The following ASS1 variants were observed in gnomAD, a reference collection of about 807,000 sequenced individuals.
ASS1 encodes the protein argininosuccinate synthase.
In ASS1, 58 loss-of-function variants were observed where a neutral mutation model predicts 60.5. That is an observed-to-expected ratio of 0.96 (90% CI 0.78 to 1.19). The LOEUF (loss-of-function observed/expected upper bound fraction) is 1.19, where lower values mean the gene tolerates loss of function less well. ASS1 is among the 50% of genes most tolerant of loss of function. The pLI is 0.00. For synonymous variants in ASS1, 200 were observed against 206.9 expected (o/e 0.97, Z 0.29); for missense variants, 454 against 547.3 (o/e 0.83, Z 1.70).
intron 11 of ASS1, 134 bp downstream of exon 11, chr9:130,480,583 C>G: frequency 2.2e-6 from 2 of 901,126 alleles, no homozygotes; most frequent in Non-Finnish European, 3.5e-6. Flanking sequence ...TTCACCACAC[C>G]CCGTGAGACC....
chr9:130,472,330 C>T (rs1021554889), intron 8 of ASS1, among the ~76,000 whole-genome samples: 21 of 152,222 alleles, frequency 1.4e-4, no homozygotes, highest in African/African-American at 5.1e-4. Context: ...GCCAGAGCCC[C>T]GCCCAGGATC....
chr9:130,450,944 G>A (rs796318550), intron 1 of ASS1, among the ~76,000 whole-genome samples: 5 of 152,342 alleles, frequency 3.3e-5, no homozygotes, highest in African/African-American at 1.2e-4. Flanking sequence ...GGGAAATGCG[G>A]GATGCTGGGG....
intron 5 of ASS1, among the ~76,000 whole-genome samples, chr9:130,465,601 T>C (rs1845719808): frequency 6.6e-6 from 1 of 152,226 alleles, no homozygotes; most frequent in Admixed American, 6.5e-5. Context: ...ACTGAGCTCT[T>C]TTGAGGCCGC....
chr9:130,487,453 G>T (rs1342659944), intron 11 of ASS1, among the ~76,000 whole-genome samples: 1 of 149,446 alleles, frequency 6.7e-6, no homozygotes, highest in African/African-American at 2.5e-5. Context: ...AACATAAAAT[G>T]AACCATTTTA....
At chr9:130,462,156 C>G (rs1360906192) in intron 4 of ASS1, among the ~76,000 whole-genome samples, 1 of 152,178 alleles carries the variant, frequency 6.6e-6, no homozygotes, top group East Asian at 1.9e-4. Context: ...CTCTCTCCCC[C>G]TAGTTTTGGA....
chr9:130,450,171 T>C (rs964795510), intron 1 of ASS1: 10 of 711,028 alleles, frequency 1.4e-5, no homozygotes, highest in Non-Finnish European at 1.7e-5. Context: ...CTCTGCTCAG[T>C]GAGGCTGCTC....
rs756859126 is a variant in ASS1, at chr9:130,494,965, C to T, written c.1069C>T (p.Gln357Ter). The T allele has an allele frequency of 3.1e-6, 5 of 1,613,504 alleles. No individual in the cohort carries two copies. The African/African-American group carries it at 6.7e-5, about 22-fold the overall frequency. The change falls in exon 13 of 15, where the codon CAG (glutamine) becomes TAG (stop). Residue 357 changes from glutamine to a stop codon, truncating the protein, a stop_gained. Transcript: ENST00000352480. LOFTEE classifies it high-confidence loss of function. This position sits in a 1 kb window ranked among gnomAD's most constrained non-coding sequence, Gnocchi z 4.3. ...GKVQVSVLKG[Q>*]VYILGRESPL... ...AGTGCAGGTGTCCGTCCTCAAGGGC[C>T]AGGTGTACATCCTCGGCCGGGAGTC...
At position 130,491,437 on chromosome 9, in the gene ASS1, C is replaced by T. The variant is rs1158593339; in HGVS notation, c.970+1973C>T. ...AGCTGGGCACCTGATGGGGTATTAT[C>T]TAATATTAGCTGCGCAGAGGTGAGG... On this transcript the variant is annotated intron_variant, in intron 12 of 14. Coordinates refer to ENST00000352480, the MANE Select transcript of ASS1 (RefSeq NM_054012.4). The surrounding 1 kb of genome is among the most constrained non-coding windows in gnomAD (Gnocchi z 5.3). 6.6e-6 allele frequency among the ~76,000 whole-genome samples: 1 copy of T among 152,184 alleles called. No individual in the cohort carries two copies. The highest frequency in any genetic ancestry group is 2.4e-5 in the African/African-American group (1 of 41,440).
intron 10 of ASS1, 102 bp downstream of exon 10, chr9:130,479,902 GCGGAGCACAGGCCATGTCCCTT>G: frequency 7.7e-7 from 1 of 1,303,422 alleles, no homozygotes; most frequent in South Asian, 1.2e-5. Flanking sequence ...GCTCAGGGGT[GCGGAGCACAGGCCATGTCCCTT>G]CCCCATAGCC....
In ASS1 at chr9:130,471,410, G is replaced by A. The variant is rs141620505; in HGVS notation, c.567-75G>A. 2,277 of 1,549,442 alleles carry A rather than the reference G, an allele frequency of 1.5e-3. 9 individuals are homozygous for A. The highest frequency in any genetic ancestry group is 2.1e-3 in the Admixed American group (125 of 59,914). Reference sequence around the variant, plus strand: ...GCAGACCAGGCTCATGGGCACAATGGGGTGTGTGTGTTGGGGGATGGGGAC... The same window carrying A: ...GCAGACCAGGCTCATGGGCACAATGAGGTGTGTGTGTTGGGGGATGGGGAC... On this transcript the variant is annotated intron_variant, in intron 7 of 14. Coordinates refer to ENST00000352480, the MANE Select transcript of ASS1 (RefSeq NM_054012.4).
intron 5 of ASS1, among the ~76,000 whole-genome samples, chr9:130,465,291 T>A (rs546564734): frequency 4.9e-4 from 75 of 152,146 alleles, no homozygotes; most frequent in African/African-American, 1.6e-3. Flanking sequence ...AGTGCTGGGA[T>A]TACAGGCGTG....
chr9:130,492,421 G>A (rs1201320807), intron 12 of ASS1, among the ~76,000 whole-genome samples: 1 of 152,146 alleles, frequency 6.6e-6, no homozygotes, highest in Non-Finnish European at 1.5e-5. Flanking sequence ...AAGCCCTCCT[G>A]CCCCAGCCTC....
chr9:130,479,281 CTGTGTG>C (rs376408214), intron 9 of ASS1, among the ~76,000 whole-genome samples: 4 of 148,538 alleles, frequency 2.7e-5, no homozygotes, highest in Non-Finnish European at 4.5e-5. Context: ...TGGCAGGGGG[CTGTGTG>C]TGTGTGTGTG....
chr9:130,448,422 G>GCGCACACACACACACA (rs71387350), intron 1 of ASS1, among the ~76,000 whole-genome samples: 49 of 143,384 alleles, frequency 3.4e-4, no homozygotes, highest in African/African-American at 1.2e-3. Flanking sequence ...GTGTGCGCGC[G>GCGCACACACACACACA]CACACACACA....
chr9:130,467,901 A>T (rs1385344255), intron 6 of ASS1, among the ~76,000 whole-genome samples: 1 of 152,190 alleles, frequency 6.6e-6, no homozygotes, highest in East Asian at 1.9e-4. Flanking sequence ...CCCAGACAAA[A>T]GCAGCTTCTG....
intron 3 of ASS1, among the ~76,000 whole-genome samples, chr9:130,455,848 T>A (rs1373474181): frequency 6.6e-6 from 1 of 152,200 alleles, no homozygotes; most frequent in African/African-American, 2.4e-5. Context: ...AATTAGCATG[T>A]TAAAATGAAC....
chr9:130,454,725 G>C (rs1373331000), intron 3 of ASS1, among the ~76,000 whole-genome samples: 1 of 149,622 alleles, frequency 6.7e-6, no homozygotes, highest in African/African-American at 2.5e-5. Flanking sequence ...GCTATCCATC[G>C]ATCCATCCAT....
chr9:130,483,105 C>T (rs2118848836), intron 11 of ASS1, among the ~76,000 whole-genome samples: 1 of 152,218 alleles, frequency 6.6e-6, no homozygotes, highest in African/African-American at 2.4e-5. Context: ...TTTTATTTCT[C>T]TACTCCAAAT....
chr9:130,468,335 G>A (rs2131884093), intron 6 of ASS1, among the ~76,000 whole-genome samples: 1 of 152,242 alleles, frequency 6.6e-6, no homozygotes. Flanking sequence ...TTGCTTCGCT[G>A]GCCATCCTCT....
Sources: allele counts gnomAD v4.1 joint callset (sites outside exome capture counted in the v4.1 genomes callset), GRCh38; gene constraint gnomAD v4.1.1; non-coding constraint Gnocchi (gnomAD v3.1); transcripts MANE v1.5; gene names NCBI Gene and HGNC (gene_info 2026-07-23, HGNC 2026-07-21).